HERC4: variants seen among roughly 807,000 people sequenced by gnomAD.
HERC4 encodes HECT and RLD domain containing E3 ubiquitin protein ligase 4.
HERC4 carries 28 observed loss-of-function variants against 124.3 expected under a neutral mutation model. The observed-to-expected ratio is 0.23, with a 90% CI of 0.17 to 0.31. The LOEUF (loss-of-function observed/expected upper bound fraction) is 0.31, where lower values mean the gene tolerates loss of function less well. HERC4 is among the 10% of genes least tolerant of loss of function. The probability of loss-of-function intolerance (pLI) is 1.00; values close to 1 mark genes in which losing one functional copy is unlikely to be tolerated. For synonymous variants in HERC4, 407 were observed against 421.5 expected (o/e 0.97, Z 0.42); for missense variants, 713 against 1,229.3 (o/e 0.58, Z 6.28).
chr10:68,017,856 T>C (rs1041494259), intron 8 of HERC4, among the ~76,000 whole-genome samples: 7 of 152,170 alleles, frequency 4.6e-5, no homozygotes, highest in Non-Finnish European at 1.5e-5. Context: ...TTCACATAAC[T>C]GACTCAAGAA....
chr10:67,943,468 C>T (rs1258640580), intron 19 of HERC4, among the ~76,000 whole-genome samples: 1 of 152,216 alleles, frequency 6.6e-6, no homozygotes, highest in Non-Finnish European at 1.5e-5. Flanking sequence ...ATTTGTGCTA[C>T]AGGCTCAGGA....
intron 19 of HERC4, chr10:67,954,277 T>C (rs1364656043): frequency 5.2e-6 from 1 of 192,024 alleles, no homozygotes; most frequent in Non-Finnish European, 1.1e-5. Context: ...TAATGATAAA[T>C]TAATTTTTCC....
At chr10:67,970,373 C>T (rs2035157179) in intron 15 of HERC4, among the ~76,000 whole-genome samples, 1 of 152,152 alleles carries the variant, frequency 6.6e-6, no homozygotes, top group South Asian at 2.1e-4. Flanking sequence ...AGGTGGATCA[C>T]CTGAAGTCAG....
At chr10:67,972,763 G>A (rs2035327281) in intron 15 of HERC4, among the ~76,000 whole-genome samples, 2 of 152,118 alleles carry the variant, frequency 1.3e-5, no homozygotes, top group South Asian at 4.1e-4. Context: ...GAATCAGAAA[G>A]GAGAGTAGCA....
chr10:68,040,943 T>G (rs980924464), intron 4 of HERC4, among the ~76,000 whole-genome samples: 1 of 151,454 alleles, frequency 6.6e-6, no homozygotes, highest in Admixed American at 6.6e-5. Flanking sequence ...AGAATAAATT[T>G]TGTAAATTAA....
intron 19 of HERC4, chr10:67,954,324 C>A: frequency 3.7e-6 from 1 of 268,082 alleles, no homozygotes; most frequent in Non-Finnish European, 6.9e-6. Flanking sequence ...TTATTCAATC[C>A]TCAAATTGAA....
chr10:67,985,105 T>C (rs2036187488), intron 15 of HERC4, among the ~76,000 whole-genome samples: 1 of 152,176 alleles, frequency 6.6e-6, no homozygotes, highest in African/African-American at 2.4e-5. Context: ...CAGCCATCAT[T>C]TTCTCCAGGA....
intron 3 of HERC4, among the ~76,000 whole-genome samples, chr10:68,057,877 T>A (rs1268053374): frequency 2.6e-5 from 4 of 151,950 alleles, no homozygotes; most frequent in Non-Finnish European, 4.4e-5. Context: ...TTTTTTCTAT[T>A]TCTAGTAGAA....
chr10:67,938,910 C>A (rs190359597), intron 21 of HERC4, among the ~76,000 whole-genome samples: 48 of 152,304 alleles, frequency 3.2e-4, no homozygotes, highest in African/African-American at 1.1e-3. Flanking sequence ...CGTCACTGCA[C>A]CCCAGCCTGG....
intron 16 of HERC4, among the ~76,000 whole-genome samples, chr10:67,957,920 GC>G (rs1467338389): frequency 6.6e-6 from 1 of 152,102 alleles, no homozygotes; most frequent in Non-Finnish European, 1.5e-5. Context: ...CGATTCTCCT[GC>G]CTCAGCCTCC....
intron 7 of HERC4, among the ~76,000 whole-genome samples, chr10:68,026,900 G>A (rs2038931720): frequency 6.6e-6 from 1 of 151,902 alleles, no homozygotes; most frequent in Admixed American, 6.6e-5. Flanking sequence ...TACTTTGGAC[G>A]CTGAGGCAGA....
intron 9 of HERC4, chr10:67,996,082 G>C: frequency 2.3e-6 from 1 of 431,220 alleles, no homozygotes; most frequent in African/African-American, 2.0e-5. Flanking sequence ...AAGGTAGGAG[G>C]ATCACTTGAG....
rs187759947 is a variant in HERC4, at chr10:67,984,215, T to C, written c.1806+4448A>G. On this transcript the variant is annotated intron_variant, in intron 15 of 24. Transcript: ENST00000373700. ...CTACTCGGGAGGCTGAGGCAGAGAA[T>C]TGCTTGAACCTAAGAGGTAGAGGCT... 7.5e-4 allele frequency among the ~76,000 whole-genome samples: 113 copies of C among 151,658 alleles called. 2 individuals carry two copies. The East Asian group carries it at 0.019, about 26-fold the overall frequency.
chr10:67,951,391 A>G (rs530525527), intron 19 of HERC4, among the ~76,000 whole-genome samples: 1 of 152,236 alleles, frequency 6.6e-6, no homozygotes, highest in East Asian at 1.9e-4. Flanking sequence ...CAGAACAAAT[A>G]CAAAGCCTCG....
At chr10:67,978,618 T>C (rs1161441411) in intron 15 of HERC4, among the ~76,000 whole-genome samples, 1 of 152,056 alleles carries the variant, frequency 6.6e-6, no homozygotes, top group Non-Finnish European at 1.5e-5. Flanking sequence ...GCACCTTGAG[T>C]GAAGATAGTC....
At chr10:67,944,550 A>G (rs1021445673) in intron 19 of HERC4, among the ~76,000 whole-genome samples, 3 of 152,216 alleles carry the variant, frequency 2.0e-5, no homozygotes, top group Admixed American at 1.3e-4. Context: ...CCAGACACCA[A>G]TGAACATCCA....
At chr10:67,960,748 G>GCAT (rs1464979611) in intron 16 of HERC4, 1 of 214,380 alleles carries the variant, frequency 4.7e-6, no homozygotes, top group African/African-American at 2.4e-5. Flanking sequence ...TATAACCTTA[G>GCAT]CACCTGTCAC....
At chr10:68,018,138 G>C (rs2038378876) in intron 8 of HERC4, among the ~76,000 whole-genome samples, 1 of 151,282 alleles carries the variant, frequency 6.6e-6, no homozygotes, top group African/African-American at 2.4e-5. Context: ...AGAGTCAACA[G>C]AATATTCACA....
chr10:67,941,082 G>T lies in HERC4; in HGVS notation c.2361C>A (p.Phe787Leu). ...AGCCACAGATAACACCAATCAAATG[G>T]AACAAATCACTGTCTTCAAATGTCT... is the stretch of plus-strand genomic sequence containing the variant. ...SDKTFEDSDL[F>L]HLIGVICGLA... Residue 787 changes from phenylalanine (F) to leucine (L), a missense_variant, in exon 20 of 25, where the codon TTC (phenylalanine) becomes TTA (leucine). Transcript: ENST00000373700. 6.3e-7 allele frequency: 1 copy of T among 1,581,432 alleles called. No individual in the cohort carries two copies. The highest frequency in any genetic ancestry group is 8.6e-7 in the Non-Finnish European group (1 of 1,167,854).
Sources: allele counts gnomAD v4.1 joint callset (sites outside exome capture counted in the v4.1 genomes callset), GRCh38; gene constraint gnomAD v4.1.1; transcripts MANE v1.5; gene names NCBI Gene and HGNC (gene_info 2026-07-23, HGNC 2026-07-21).